The following MYH8 variants were observed in gnomAD, a reference collection of about 807,000 sequenced individuals.
MYH8 encodes myosin heavy chain 8, also known as myosin-8.
In MYH8, 168 loss-of-function variants were observed where a neutral mutation model predicts 233.2. The observed-to-expected ratio is 0.72, with a 90% CI of 0.64 to 0.82. The LOEUF is 0.82. Ranked by LOEUF, MYH8 falls within the 40% of genes least tolerant of loss-of-function variation. The pLI is 0.00. For missense variants in MYH8, 1,995 were observed against 2,327.8 expected (o/e 0.86, Z 2.94); for synonymous variants, 785 against 850.6 (o/e 0.92, Z 1.34).
At chr17:10,403,282 A>T (rs1366651315) in intron 22 of MYH8, among the ~76,000 whole-genome samples, 1 of 152,200 alleles carries the variant, frequency 6.6e-6, no homozygotes, top group African/African-American at 2.4e-5. Flanking sequence ...CAGAAACTGT[A>T]TAGCTCAATA....
At chr17:10,398,994 GTATATATATA>G (rs71365759) in intron 28 of MYH8, 108 bp from the exon 29 acceptor site, 1 of 311,542 alleles carries the variant, frequency 3.2e-6, no homozygotes, top group South Asian at 4.3e-5. Flanking sequence ...ATGTGTGTGT[GTATATATATA>G]TATATATATA....
intron 20 of MYH8, 43 bp from the exon 21 acceptor site, chr17:10,406,220 G>A: frequency 6.2e-7 from 1 of 1,614,110 alleles, no homozygotes; most frequent in Non-Finnish European, 8.5e-7. Context: ...TACTGCAGGA[G>A]ATGCAGAAAT....
rs2072227648 is a variant in MYH8 at position 10,409,648 on chromosome 17, GTGGCTGTCA to G, written c.1588-69_1588-61del. On this transcript the variant is annotated intron_variant, in intron 15 of 39. Transcript: ENST00000403437. ...ACTTCTCTCAAAAGATAGAGACATG[GTGGCTGTCA>G]TTTGATTGAATTATGAGCACCCCAA... The G allele has an allele frequency of 1.9e-6, 3 of 1,599,776 alleles. No individual in the cohort carries two copies. In the African/African-American group the frequency reaches 4.0e-5, roughly 21 times the overall value.
chr17:10,397,340 C>T (rs1467977611), intron 30 of MYH8, among the ~76,000 whole-genome samples: 1 of 152,096 alleles, frequency 6.6e-6, no homozygotes, highest in Non-Finnish European at 1.5e-5. Flanking sequence ...GTGATCCACC[C>T]GCCTTGGCCT....
chr17:10,401,022 A>C (rs1019320978), intron 25 of MYH8, 24 bp downstream of exon 25: 2 of 1,614,086 alleles, frequency 1.2e-6, no homozygotes, highest in Non-Finnish European at 1.7e-6. Flanking sequence ...ATCACATAGA[A>C]GTTTTTTTCT....
At position 10,400,692 on chromosome 17, in the gene MYH8, C is replaced by T. The variant is rs1476366790; in HGVS notation, c.3433G>A (p.Glu1145Lys). ...AEKQRSDLSR[E>K]LEEISERLEE... Reference sequence around the variant, plus strand: ...AGCCTCTCGCTGATCTCCTCCAGTTCCCGGGAGAGGTCAGAGCGCTGCTTC... The same window carrying T: ...AGCCTCTCGCTGATCTCCTCCAGTTTCCGGGAGAGGTCAGAGCGCTGCTTC... Residue 1145 changes from glutamate (E) to lysine (K), a missense_variant, in exon 27 of 40, where the codon GAA (glutamate) becomes AAA (lysine). Coordinates refer to ENST00000403437, the MANE Select transcript of MYH8 (RefSeq NM_002472.3). This position sits in a 1 kb window ranked among gnomAD's most constrained non-coding sequence, Gnocchi z 4.0. 10 of 1,614,054 alleles carry T rather than the reference C, an allele frequency of 6.2e-6. No individual in the cohort carries two copies. Among genetic ancestry groups the T allele is most frequent in the Non-Finnish European group, 8.5e-6 (10 of 1,180,060 alleles).
At chr17:10,398,680 C>A in intron 29 of MYH8, 40 bp from the exon 30 acceptor site, 1 of 1,614,096 alleles carries the variant, frequency 6.2e-7, no homozygotes, top group East Asian at 2.2e-5. Context: ...TTCATGTATT[C>A]AGTGATATTT....
Position 10,418,961 on chromosome 17 carries a change from C to A in MYH8, c.280G>T (p.Ala94Ser). The A allele has an allele frequency of 1.2e-6, 2 of 1,614,132 alleles. No homozygotes were observed. The highest frequency in any genetic ancestry group is 1.7e-6 in the Non-Finnish European group (2 of 1,180,004). Residue 94 changes from alanine (A) to serine (S), a missense_variant, in exon 4 of 40, where the codon GCC becomes TCC. Physicochemically the swap from Ala to Ser is moderately conservative, Grantham distance 99. Around this residue, in one of 3 missense-constraint regions of MYH8, gnomAD observed 479 missense variants for 600.9 expected, o/e 0.80. Coordinates refer to ENST00000403437, the MANE Select transcript of MYH8 (RefSeq NM_002472.3). ...PPKYDKIEDM[A>S]MMTHLHEPGV... ...GGCTCGTGTAGATGAGTCATCATGG[C>A]CATGTCCTCAATTTTGTCATATTTC...
At chr17:10,412,314 C>A (rs2072250074) in intron 14 of MYH8, 56 bp downstream of exon 14, 1 of 1,613,770 alleles carries the variant, frequency 6.2e-7, no homozygotes. Flanking sequence ...ATGATAATAC[C>A]TAATATATCA....
intron 37 of MYH8, 88 bp from the exon 38 acceptor site, chr17:10,392,734 A>G (rs1249947883): frequency 6.2e-7 from 1 of 1,613,316 alleles, no homozygotes; most frequent in African/African-American, 1.3e-5. Flanking sequence ...GGGTGTTCCC[A>G]GCCCCAGGAC....
chr17:10,406,219 A>G (rs900352972), intron 20 of MYH8, 42 bp from the exon 21 acceptor site: 1 of 1,614,144 alleles, frequency 6.2e-7, no homozygotes, highest in Non-Finnish European at 8.5e-7. Flanking sequence ...ATACTGCAGG[A>G]GATGCAGAAA....
chr17:10,394,535 G>A, intron 34 of MYH8, 83 bp from the exon 35 acceptor site: 1 of 1,500,638 alleles, frequency 6.7e-7, no homozygotes, highest in Non-Finnish European at 9.2e-7. Context: ...GATTGTACTG[G>A]TGACAGGAAC....
In MYH8 at chr17:10,419,906, G is replaced by T; in HGVS notation, c.210+112C>A. On this transcript the variant is annotated intron_variant, in intron 3 of 39. Coordinates refer to ENST00000403437, the MANE Select transcript of MYH8 (RefSeq NM_002472.3). This position sits in a 1 kb window ranked among gnomAD's most constrained non-coding sequence, Gnocchi z 4.0. ...CTTCCACATCTAATGTCTCAACACT[G>T]ACTAGAAGGGTGTTTGCATTGGCAA... 1 of 1,163,914 alleles carries T rather than the reference G, an allele frequency of 8.6e-7. No individual in the cohort carries two copies. The highest frequency in any genetic ancestry group is 1.3e-6 in the Non-Finnish European group (1 of 776,438). The allele number at this position is 1,163,914 out of a possible 1,614,324, so 72.1% of individuals were successfully genotyped here.
At chr17:10,401,905 A>G in intron 22 of MYH8, 120 bp from the exon 23 acceptor site, 1 of 1,345,316 alleles carries the variant, frequency 7.4e-7, no homozygotes, top group Non-Finnish European at 1.1e-6. Flanking sequence ...TATGAATATA[A>G]ATTTAATTTA....
At chr17:10,411,230 T>G (rs2072241648) in intron 14 of MYH8, among the ~76,000 whole-genome samples, 1 of 151,858 alleles carries the variant, frequency 6.6e-6, no homozygotes, top group Non-Finnish European at 1.5e-5. Flanking sequence ...CAAAAAATTA[T>G]CTGGGTGTGG....
chr17:10,399,920 T>C (rs1454094772), intron 27 of MYH8, among the ~76,000 whole-genome samples: 1 of 152,200 alleles, frequency 6.6e-6, no homozygotes, highest in Non-Finnish European at 1.5e-5. Context: ...ATCATCTTAA[T>C]AGGCCGGGCG....
chr17:10,403,473 T>C (rs923244169), intron 22 of MYH8, among the ~76,000 whole-genome samples: 3 of 152,186 alleles, frequency 2.0e-5, no homozygotes, highest in Admixed American at 2.0e-4. Context: ...TTTTTTCTTT[T>C]TTTGAGCTTT....
chr17:10,407,095 T>G lies in MYH8; in HGVS notation c.1966-116A>C, dbSNP rs1214125080. On this transcript the variant is annotated intron_variant, in intron 17 of 39. Coordinates refer to ENST00000403437, the MANE Select transcript of MYH8 (RefSeq NM_002472.3). ...ACTACTAGGCATGCATCTGTGAGGC[T>G]TCAATTGCTCTGTATTTTGAGGGTC... The G allele has an allele frequency of 3.3e-5, 26 of 799,194 alleles. No homozygotes were observed. The East Asian group carries it at 5.6e-4, about 17-fold the overall frequency. The allele number at this position is 799,194 out of a possible 1,614,324, so 49.5% of individuals were successfully genotyped here. A position where few individuals can be genotyped will look rare whatever the true frequency, so the allele number is the denominator to read the frequency against.
chr17:10,390,394 A>G lies in MYH8; in HGVS notation c.*60T>C. ...GAAAATAAACGTCATAAAGCAAGTG[A>G]CCAAAAATAGCACATTTTGTGCCTT... is the stretch of plus-strand genomic sequence containing the variant. On this transcript the variant is annotated 3_prime_UTR_variant, in exon 40 of 40. Coordinates refer to ENST00000403437, the MANE Select transcript of MYH8 (RefSeq NM_002472.3). 6.2e-7 allele frequency: 1 copy of G among 1,603,846 alleles called. No individual in the cohort carries two copies. Among genetic ancestry groups the G allele is most frequent in the Non-Finnish European group, 8.5e-7 (1 of 1,172,406 alleles).
Sources: allele counts gnomAD v4.1 joint callset (sites outside exome capture counted in the v4.1 genomes callset), GRCh38; gene constraint gnomAD v4.1.1; regional missense constraint gnomAD v4.1.1; non-coding constraint Gnocchi (gnomAD v3.1); transcripts MANE v1.5; gene names NCBI Gene and HGNC (gene_info 2026-07-23, HGNC 2026-07-21).